PPP1R9A: variants seen among roughly 807,000 people sequenced by gnomAD.
PPP1R9A encodes the protein protein phosphatase 1 regulatory subunit 9A.
In PPP1R9A, 59 loss-of-function variants were observed where a neutral mutation model predicts 141.9. The observed-to-expected ratio is 0.42, with a 90% CI of 0.34 to 0.52. The LOEUF (loss-of-function observed/expected upper bound fraction) is 0.52. Ranked by LOEUF, PPP1R9A falls within the 20% of genes least tolerant of loss-of-function variation. The pLI is 0.10. For missense variants in PPP1R9A, 1,444 were observed against 1,611.9 expected (o/e 0.90, Z 1.78); for synonymous variants, 500 against 569.7 (o/e 0.88, Z 1.74).
At chr7:95,257,274 T>TC (rs1799720307) in intron 12 of PPP1R9A, among the ~76,000 whole-genome samples, 1 of 151,970 alleles carries the variant, frequency 6.6e-6, no homozygotes, top group Non-Finnish European at 1.5e-5. Flanking sequence ...GAATACAGAG[T>TC]CCAGAAGCAG....
intron 2 of PPP1R9A, among the ~76,000 whole-genome samples, chr7:94,998,514 A>G (rs1802468731): frequency 6.6e-6 from 1 of 152,104 alleles, no homozygotes; most frequent in Non-Finnish European, 1.5e-5. Context: ...ATTTTTTTTA[A>G]AAGGTCTCTT....
rs17166586 is a variant in PPP1R9A at position 95,030,681 on chromosome 7, G to A, written c.1396-80578G>A. ...GTGGTAACCCCAAAAAGAACAGGGA[G>A]CAACGTTGCCTACCTACATGCATAA... On this transcript the variant is annotated intron_variant, in intron 2 of 19. Coordinates refer to ENST00000433360, the MANE Select transcript of PPP1R9A (RefSeq NM_001166160.2). Among the ~76,000 whole-genome samples the A allele has an allele frequency of 3.9e-3, 589 of 152,160 alleles. 23 individuals carry two copies. Among genetic ancestry groups the A allele is most frequent in the East Asian group, 0.036 (184 of 5,162 alleles).
intron 7 of PPP1R9A, among the ~76,000 whole-genome samples, chr7:95,221,699 T>C (rs1467530732): frequency 6.6e-6 from 1 of 151,976 alleles, no homozygotes; most frequent in Non-Finnish European, 1.5e-5. Flanking sequence ...TCAAGAAAAT[T>C]AGGTATGAGA....
At chr7:95,004,111 G>C (rs1177444066) in intron 2 of PPP1R9A, among the ~76,000 whole-genome samples, 1 of 151,846 alleles carries the variant, frequency 6.6e-6, no homozygotes, top group Non-Finnish European at 1.5e-5. Context: ...TTGACTTTGA[G>C]TAAAAAGTTG....
intron 2 of PPP1R9A, among the ~76,000 whole-genome samples, chr7:94,937,613 A>G (rs1288314842): frequency 1.3e-5 from 2 of 152,164 alleles, no homozygotes; most frequent in Non-Finnish European, 2.9e-5. Context: ...CCAATTACAC[A>G]GGCGTAGTTT....
At chr7:95,225,428 T>A (rs1464156713) in intron 7 of PPP1R9A, among the ~76,000 whole-genome samples, 3 of 152,168 alleles carry the variant, frequency 2.0e-5, no homozygotes, top group Non-Finnish European at 4.4e-5. Flanking sequence ...ACCTTTGGTT[T>A]ATTCTTTAGC....
chr7:95,034,693 G>A (rs1808201839), intron 2 of PPP1R9A, among the ~76,000 whole-genome samples: 1 of 152,054 alleles, frequency 6.6e-6, no homozygotes, highest in African/African-American at 2.4e-5. Context: ...TGGTATTTGA[G>A]TCTACAAATA....
Position 95,164,741 on chromosome 7 carries a change from C to CTT in PPP1R9A, c.1754+2789_1754+2790dup, listed in dbSNP as rs200177321. Among the ~76,000 whole-genome samples, 36 of 66,172 alleles carry CTT rather than the reference C, an allele frequency of 5.4e-4. 1 individual carries two copies. Among genetic ancestry groups the CTT allele is most frequent in the Non-Finnish European group, 4.8e-4 (17 of 35,234 alleles). 43.4% of individuals were successfully genotyped at this position (66,172 alleles called of 152,430 possible). On this transcript the variant is annotated intron_variant, in intron 5 of 19. Transcript: ENST00000433360. ...ACCATGGTTTTTTTTCTTTTCTTTT[C>CTT]TTTTTTTTTTTTTTTTTTTTCAGGC...
intron 7 of PPP1R9A, among the ~76,000 whole-genome samples, chr7:95,208,730 A>C (rs562982669): frequency 2.6e-5 from 4 of 152,066 alleles, no homozygotes; most frequent in Non-Finnish European, 5.9e-5. Context: ...TCTCAAAAAA[A>C]AAATAAATAA....
intron 2 of PPP1R9A, among the ~76,000 whole-genome samples, chr7:94,926,539 T>TTA (rs1458353050): frequency 2.0e-5 from 3 of 152,210 alleles, no homozygotes; most frequent in African/African-American, 7.2e-5. Context: ...CTTGAGTATG[T>TTA]GAGTGTATCT....
rs550567781 is a variant in PPP1R9A, at chr7:95,101,074, G to A, written c.1396-10185G>A. Among the ~76,000 whole-genome samples, 16 of 151,628 alleles carry A rather than the reference G, an allele frequency of 1.1e-4. No individual in the cohort carries two copies. In the East Asian group the frequency reaches 2.0e-3, roughly 19 times the overall value. On this transcript the variant is annotated intron_variant, in intron 2 of 19. Coordinates refer to ENST00000433360, the MANE Select transcript of PPP1R9A (RefSeq NM_001166160.2). ...TCACCGTGTTAGCCAGGATGGTCTCGATCTCCTGACCTCGTGATCCGCCCG... is the reference window on the plus strand; with the variant it reads ...TCACCGTGTTAGCCAGGATGGTCTCAATCTCCTGACCTCGTGATCCGCCCG...
chr7:94,982,945 G>C (rs1206968313), intron 2 of PPP1R9A, among the ~76,000 whole-genome samples: 1 of 152,088 alleles, frequency 6.6e-6, no homozygotes, highest in Non-Finnish European at 1.5e-5. Context: ...GGTTTTTATG[G>C]TTTTAGGTCT....
rs1382181228 is a variant in PPP1R9A, at chr7:95,291,637, G to GT, written c.*1340dup. ...TTTTGAGAAATTTCATGTGATGAGGGTTTTTTGTTTTTTATGCTCATGTAT... is the reference window on the plus strand; with the variant it reads ...TTTTGAGAAATTTCATGTGATGAGGGTTTTTTTGTTTTTTATGCTCATGTAT... On this transcript the variant is annotated 3_prime_UTR_variant, in exon 20 of 20. Transcript: ENST00000433360. 6.6e-6 allele frequency: 1 copy of GT among 152,150 alleles called. No individual in the cohort carries two copies. Among genetic ancestry groups the GT allele is most frequent in the Non-Finnish European group, 1.5e-5 (1 of 68,038 alleles). 9.4% of individuals were successfully genotyped at this position (152,150 alleles called of 1,614,324 possible).
intron 2 of PPP1R9A, among the ~76,000 whole-genome samples, chr7:94,926,133 TA>T (rs1269730834): frequency 1.3e-5 from 2 of 152,206 alleles, no homozygotes; most frequent in African/African-American, 4.8e-5. Context: ...CTAACATTTT[TA>T]TATGTATAAT....
chr7:95,137,230 C>A (rs536096198), intron 4 of PPP1R9A, among the ~76,000 whole-genome samples: 2 of 130,682 alleles, frequency 1.5e-5, no homozygotes, highest in African/African-American at 5.6e-5. Context: ...GCTATCCCTC[C>A]CCCCTCCCCC....
chr7:95,092,219 T>C (rs1584643555), intron 2 of PPP1R9A, among the ~76,000 whole-genome samples: 1 of 152,326 alleles, frequency 6.6e-6, no homozygotes, highest in East Asian at 1.9e-4. Flanking sequence ...TCAATTCTTA[T>C]GATGACAGCT....
At chr7:94,924,287 C>T (rs746423749) in intron 2 of PPP1R9A, among the ~76,000 whole-genome samples, 3 of 152,002 alleles carry the variant, frequency 2.0e-5, no homozygotes. Flanking sequence ...AAGTTTGAGA[C>T]GAGGCTTATG....
intron 5 of PPP1R9A, among the ~76,000 whole-genome samples, chr7:95,165,022 G>C (rs1033981499): frequency 7.2e-5 from 11 of 151,738 alleles, no homozygotes; most frequent in Non-Finnish European, 1.6e-4. Context: ...CATACAATTG[G>C]CTGCTTCTAC....
At chr7:95,235,852 G>C (rs185483978) in intron 8 of PPP1R9A, among the ~76,000 whole-genome samples, 1 of 152,188 alleles carries the variant, frequency 6.6e-6, no homozygotes, top group Non-Finnish European at 1.5e-5. Context: ...CAGCAACCTG[G>C]ATGGAATTGG....
Sources: allele counts gnomAD v4.1 joint callset (sites outside exome capture counted in the v4.1 genomes callset), GRCh38; gene constraint gnomAD v4.1.1; transcripts MANE v1.5; gene names NCBI Gene and HGNC (gene_info 2026-07-23, HGNC 2026-07-21).